DLG1: variants seen among roughly 807,000 people sequenced by gnomAD.
DLG1 encodes discs large MAGUK scaffold protein 1.
In DLG1, 42 loss-of-function variants were observed where a neutral mutation model predicts 123.4. That is an observed-to-expected ratio of 0.34 (90% CI 0.27 to 0.44). The LOEUF (loss-of-function observed/expected upper bound fraction) is 0.44. Ranked by LOEUF, DLG1 falls within the 20% of genes least tolerant of loss-of-function variation. DLG1 has a pLI of 1.00. For synonymous variants in DLG1, 317 were observed against 356.2 expected (o/e 0.89, Z 1.24); for missense variants, 942 against 1,082.6 (o/e 0.87, Z 1.82).
intron 18 of DLG1, among the ~76,000 whole-genome samples, chr3:197,074,059 C>T (rs908695455): frequency 1.3e-5 from 2 of 152,102 alleles, no homozygotes; most frequent in African/African-American, 4.8e-5. Context: ...TCCTTCTTCC[C>T]AGTATTTACT....
At chr3:197,213,370 C>T (rs1325452525) in intron 4 of DLG1, among the ~76,000 whole-genome samples, 1 of 151,962 alleles carries the variant, frequency 6.6e-6, no homozygotes, top group Non-Finnish European at 1.5e-5. Flanking sequence ...AATAATTTAT[C>T]GTGAGAAAGG....
chr3:197,245,208 T>A (rs1251303639), intron 4 of DLG1, among the ~76,000 whole-genome samples: 3 of 152,196 alleles, frequency 2.0e-5, no homozygotes, highest in African/African-American at 7.2e-5. Flanking sequence ...AGCTTTATAT[T>A]GTCATGTGCA....
chr3:197,147,307 A>G (rs1414669420), intron 6 of DLG1, among the ~76,000 whole-genome samples: 1 of 152,184 alleles, frequency 6.6e-6, no homozygotes, highest in African/African-American at 2.4e-5. Flanking sequence ...ACAGAGGAAA[A>G]TAAGTCATTA....
At chr3:197,048,817 G>A (rs1452583267) in intron 24 of DLG1, among the ~76,000 whole-genome samples, 2 of 151,864 alleles carry the variant, frequency 1.3e-5, no homozygotes, top group African/African-American at 2.4e-5. Context: ...CACCACGCCC[G>A]GCTAATTTTG....
chr3:197,183,760 G>T (rs1379692508), intron 5 of DLG1: 1 of 1,550,362 alleles, frequency 6.5e-7, no homozygotes, highest in African/African-American at 1.4e-5. Context: ...TTGCCTCCTC[G>T]ACTGCCGCGA....
At chr3:197,047,735 G>A (rs776303932) in intron 24 of DLG1, among the ~76,000 whole-genome samples, 3 of 151,958 alleles carry the variant, frequency 2.0e-5, no homozygotes, top group Admixed American at 1.3e-4. Flanking sequence ...ACATGCAAGA[G>A]AACGAAACTA....
chr3:197,294,880 AGTCT>A (rs1039774009), intron 3 of DLG1, among the ~76,000 whole-genome samples: 14 of 152,288 alleles, frequency 9.2e-5, no homozygotes, highest in African/African-American at 3.4e-4. Flanking sequence ...AAAAGTCTGC[AGTCT>A]ATCTATCTGC....
At chr3:197,140,453 G>T (rs1466292202) in intron 7 of DLG1, among the ~76,000 whole-genome samples, 189 bp from the exon 8 acceptor site, 1 of 152,202 alleles carries the variant, frequency 6.6e-6, no homozygotes, top group Non-Finnish European at 1.5e-5. Flanking sequence ...AGGCATTACT[G>T]CTGAACAGGT....
chr3:197,117,396 T>C (rs571416778), intron 12 of DLG1, among the ~76,000 whole-genome samples: 36 of 152,210 alleles, frequency 2.4e-4, no homozygotes, highest in Admixed American at 7.2e-4. Context: ...GTGTTTATTA[T>C]AGAATTACTC....
intron 4 of DLG1, among the ~76,000 whole-genome samples, chr3:197,281,361 C>A (rs1282768987): frequency 6.6e-6 from 1 of 152,094 alleles, no homozygotes; most frequent in Non-Finnish European, 1.5e-5. Flanking sequence ...TTTATAAGGG[C>A]CTTAATCCCA....
chr3:197,261,469 T>C (rs982161348), intron 4 of DLG1, among the ~76,000 whole-genome samples: 1 of 152,154 alleles, frequency 6.6e-6, no homozygotes, highest in African/African-American at 2.4e-5. Flanking sequence ...CAAGAAATTT[T>C]CTAACAAATT....
chr3:197,143,207 T>C (rs1318534546), intron 6 of DLG1, among the ~76,000 whole-genome samples: 3 of 152,172 alleles, frequency 2.0e-5, no homozygotes, highest in African/African-American at 4.8e-5. Flanking sequence ...ATCGCTTAGA[T>C]TAGTATTCCC....
chr3:197,257,580 C>G (rs1277568678), intron 4 of DLG1, among the ~76,000 whole-genome samples: 1 of 152,094 alleles, frequency 6.6e-6, no homozygotes, highest in African/African-American at 2.4e-5. Context: ...ATCTTTCAAG[C>G]TCCTTCTCTT....
intron 4 of DLG1, among the ~76,000 whole-genome samples, chr3:197,239,842 T>TAAAAAAAAAA (rs763046421): frequency 3.9e-5 from 1 of 25,762 alleles, no homozygotes. Flanking sequence ...CACAGAAAAG[T>TAAAAAAAAAA]TAAAAAAAAA....
chr3:197,087,977 T>C (rs984990777), intron 15 of DLG1, among the ~76,000 whole-genome samples: 10 of 152,064 alleles, frequency 6.6e-5, no homozygotes, highest in East Asian at 3.9e-4. Context: ...GGGAAGGTGG[T>C]TGGACTGAAA....
chr3:197,294,602 G>A (rs1413474179), intron 3 of DLG1, among the ~76,000 whole-genome samples: 2 of 149,038 alleles, frequency 1.3e-5, no homozygotes, highest in African/African-American at 5.0e-5. Flanking sequence ...AGCTTGCAGT[G>A]AGCGGAGATC....
At chr3:197,076,376 AAAT>A (rs1368407011) in intron 18 of DLG1, among the ~76,000 whole-genome samples, 3 of 152,200 alleles carry the variant, frequency 2.0e-5, no homozygotes, top group Non-Finnish European at 2.9e-5. Context: ...TATAACTGAA[AAAT>A]AATGTTTGCT....
At chr3:197,283,696 A>G (rs1770438617) in intron 3 of DLG1, among the ~76,000 whole-genome samples, 1 of 152,214 alleles carries the variant, frequency 6.6e-6, no homozygotes, top group Non-Finnish European at 1.5e-5. Context: ...ATAAGGGAAT[A>G]GTAAAAGTGG....
intron 5 of DLG1, among the ~76,000 whole-genome samples, chr3:197,167,982 T>C (rs1043162586): frequency 6.6e-6 from 1 of 152,218 alleles, no homozygotes; most frequent in Non-Finnish European, 1.5e-5. Context: ...ATAATCTACT[T>C]TGATAGCCAA....
Sources: allele counts gnomAD v4.1 joint callset (sites outside exome capture counted in the v4.1 genomes callset), GRCh38; gene constraint gnomAD v4.1.1; transcripts MANE v1.5; gene names NCBI Gene and HGNC (gene_info 2026-07-23, HGNC 2026-07-21).